The following GRIP1 variants were observed in gnomAD, a reference collection of about 807,000 sequenced individuals.
GRIP1 encodes glutamate receptor-interacting protein 1.
Under a neutral mutation model 129.9 loss-of-function variants are expected in GRIP1, and 45 were observed. The ratio of observed to expected loss-of-function variants is 0.35; its 90% CI spans 0.27 to 0.44. The LOEUF (loss-of-function observed/expected upper bound fraction) is 0.44, where lower values mean the gene tolerates loss of function less well. Ranked by LOEUF, GRIP1 falls within the 20% of genes least tolerant of loss-of-function variation. The probability of loss-of-function intolerance (pLI) is 1.00; values close to 1 mark genes in which losing one functional copy is unlikely to be tolerated. For missense variants in GRIP1, 1,196 were observed against 1,396.8 expected (o/e 0.86, Z 2.29); for synonymous variants, 530 against 520.8 (o/e 1.02, Z -0.24).
At chr12:66,755,008 A>G (rs1277354781) in intron 1 of GRIP1, among the ~76,000 whole-genome samples, 5 of 152,200 alleles carry the variant, frequency 3.3e-5, no homozygotes, top group East Asian at 3.9e-4. Context: ...AAATGCCATT[A>G]TATCTTTTTG....
At chr12:66,869,543 G>C (rs534122809) in intron 1 of GRIP1, among the ~76,000 whole-genome samples, 171 of 152,228 alleles carry the variant, frequency 1.1e-3, no homozygotes, top group African/African-American at 3.1e-3. Context: ...TAAATAATTT[G>C]GCTGAGGAAG....
chr12:67,054,494 T>A (rs1592522128), intron 1 of GRIP1, among the ~76,000 whole-genome samples: 1 of 152,162 alleles, frequency 6.6e-6, no homozygotes, highest in South Asian at 2.1e-4. Context: ...CCAGGTGCAG[T>A]GGCTCACACC....
At chr12:66,898,833 G>A (rs2040796260) in intron 1 of GRIP1, among the ~76,000 whole-genome samples, 2 of 152,238 alleles carry the variant, frequency 1.3e-5, no homozygotes, top group African/African-American at 4.8e-5. Context: ...CTAAAAACAT[G>A]CCAAGTGCTT....
chr12:66,389,818 C>G (rs1283462137), intron 19 of GRIP1, among the ~76,000 whole-genome samples: 1 of 152,080 alleles, frequency 6.6e-6, no homozygotes, highest in Non-Finnish European at 1.5e-5. Flanking sequence ...TTAACGGGTA[C>G]ACAGGTAAAC....
chr12:66,810,506 G>A (rs1302440531), intron 1 of GRIP1, among the ~76,000 whole-genome samples: 1 of 152,224 alleles, frequency 6.6e-6, no homozygotes, highest in African/African-American at 2.4e-5. Context: ...TGCAGTGAGC[G>A]AGATCACGCC....
At chr12:66,768,208 G>T (rs2037705999) in intron 1 of GRIP1, among the ~76,000 whole-genome samples, 1 of 152,170 alleles carries the variant, frequency 6.6e-6, no homozygotes, top group Admixed American at 6.5e-5. Context: ...AAACTGAGTA[G>T]GCATGTCTTC....
intron 1 of GRIP1, among the ~76,000 whole-genome samples, chr12:66,892,679 G>A (rs2040681411): frequency 6.6e-6 from 1 of 152,122 alleles, no homozygotes; most frequent in Non-Finnish European, 1.5e-5. Context: ...ATACAAAACT[G>A]GAATGGATGT....
At chr12:66,871,898 G>A (rs2040302479) in intron 1 of GRIP1, among the ~76,000 whole-genome samples, 1 of 152,038 alleles carries the variant, frequency 6.6e-6, no homozygotes, top group Non-Finnish European at 1.5e-5. Flanking sequence ...AGGCAGAACC[G>A]AGTACTCTAT....
chr12:66,637,027 C>A (rs2031460140), intron 1 of GRIP1, among the ~76,000 whole-genome samples: 1 of 152,130 alleles, frequency 6.6e-6, no homozygotes. Flanking sequence ...CTGGCCTGGT[C>A]CAGCACAGCT....
intron 13 of GRIP1, among the ~76,000 whole-genome samples, chr12:66,433,160 A>G (rs1214596521): frequency 6.6e-6 from 1 of 152,120 alleles, no homozygotes. Context: ...GTTTGGTGTG[A>G]TGGTTGCTGA....
intron 1 of GRIP1, among the ~76,000 whole-genome samples, chr12:66,685,962 T>C (rs1490152097): frequency 6.6e-6 from 1 of 152,218 alleles, no homozygotes; most frequent in Non-Finnish European, 1.5e-5. Context: ...TAAACTTTTG[T>C]CGAATAAATA....
At chr12:66,372,107 G>GAC in intron 22 of GRIP1, 180 bp from the exon 23 acceptor site, 1 of 643,734 alleles carries the variant, frequency 1.6e-6, no homozygotes, top group South Asian at 1.7e-5. Flanking sequence ...TGCTTTGCAA[G>GAC]TGACATTTAT....
chr12:66,927,433 C>T (rs2041314875), intron 1 of GRIP1, among the ~76,000 whole-genome samples: 1 of 152,160 alleles, frequency 6.6e-6, no homozygotes, highest in Non-Finnish European at 1.5e-5. Context: ...ATCAATAAGA[C>T]ATGTCCCTAT....
intron 7 of GRIP1, among the ~76,000 whole-genome samples, chr12:66,468,026 G>A (rs1565771889): frequency 6.6e-6 from 1 of 152,210 alleles, no homozygotes; most frequent in East Asian, 1.9e-4. Context: ...GGTGTTCCCT[G>A]ATATCTCATC....
upstream of GRIP1, among the ~76,000 whole-genome samples, chr12:66,806,158 A>T (rs144042408): frequency 4.1e-4 from 62 of 152,198 alleles, no homozygotes; most frequent in African/African-American, 1.3e-3. Flanking sequence ...AGCTCTAATA[A>T]TGAGGTGAAT....
intron 1 of GRIP1, among the ~76,000 whole-genome samples, chr12:67,057,499 G>A (rs575241272): frequency 3.9e-5 from 6 of 151,900 alleles, no homozygotes; most frequent in Non-Finnish European, 8.8e-5. Context: ...GGAAACCTGG[G>A]AAGACTAATA....
chr12:66,684,771 A>C (rs1488513296), intron 1 of GRIP1, among the ~76,000 whole-genome samples: 1 of 152,102 alleles, frequency 6.6e-6, no homozygotes, highest in Admixed American at 6.6e-5. Flanking sequence ...CTTGAACCCA[A>C]GAGGCGGAGG....
intron 7 of GRIP1, among the ~76,000 whole-genome samples, chr12:66,497,156 T>TC (rs748851017): frequency 4.1e-4 from 63 of 152,290 alleles, no homozygotes; most frequent in Non-Finnish European, 7.2e-4. Flanking sequence ...TGTCCCTGTT[T>TC]CCCCGTCCCT....
chr12:66,688,146 G>A (rs959079792), intron 1 of GRIP1, among the ~76,000 whole-genome samples: 1 of 152,076 alleles, frequency 6.6e-6, no homozygotes, highest in African/African-American at 2.4e-5. Flanking sequence ...TAGTTACTTC[G>A]GTCAGTATGG....
Sources: gnomAD v4.1 joint callset for allele counts (sites outside exome capture counted in the v4.1 genomes callset) on GRCh38, gnomAD v4.1.1 for gene constraint, MANE v1.5 for transcripts, NCBI Gene and HGNC (gene_info 2026-07-23, HGNC 2026-07-21) for gene names.